The following WWOX variants were observed in gnomAD, a reference collection of about 807,000 sequenced individuals.
WWOX encodes WW domain-containing oxidoreductase.
WWOX carries 69 observed loss-of-function variants against 46.2 expected under a neutral mutation model. The observed-to-expected ratio is 1.49, with a 90% confidence interval of 1.23 to 1.82. The LOEUF is 1.82. Among genes scored for constraint, WWOX ranks in the 40% most tolerant of loss-of-function variants. The pLI is 0.00. For synonymous variants in WWOX, 359 were observed against 202.6 expected, an observed-to-expected ratio of 1.77 and a Z score of -6.56; for missense variants, 919 against 542.6, an observed-to-expected ratio of 1.69 and a Z score of -6.89.
At chr16:78,970,023 G>T (rs1294875930) in intron 8 of WWOX, among the ~76,000 whole-genome samples, 2 of 151,528 alleles carry the variant, frequency 1.3e-5, no homozygotes, top group African/African-American at 4.8e-5. Context: ...CAACAAAGCT[G>T]TTAAAAAATT....
chr16:79,177,313 C>T (rs547885644), intron 8 of WWOX, among the ~76,000 whole-genome samples: 12 of 152,246 alleles, frequency 7.9e-5, no homozygotes, highest in Non-Finnish European at 1.6e-4. Context: ...TTGCTCGCTT[C>T]GTTTCGGAGG....
At chr16:79,040,609 T>G (rs781082050) in intron 8 of WWOX, among the ~76,000 whole-genome samples, 1 of 152,136 alleles carries the variant, frequency 6.6e-6, no homozygotes, top group Non-Finnish European at 1.5e-5. Context: ...CTTTCTCACT[T>G]TTCTCAGGAA....
chr16:78,404,869 A>C (rs1421811283), intron 6 of WWOX, among the ~76,000 whole-genome samples: 1 of 152,228 alleles, frequency 6.6e-6, no homozygotes, highest in Non-Finnish European at 1.5e-5. Flanking sequence ...GGGCAGGAGA[A>C]AAATGGAAAC....
At chr16:78,644,105 C>G (rs959400848) in intron 8 of WWOX, among the ~76,000 whole-genome samples, 2 of 152,020 alleles carry the variant, frequency 1.3e-5, no homozygotes, top group African/African-American at 4.8e-5. Context: ...GCCTGTAATC[C>G]CAGCTACTCA....
At chr16:78,881,978 T>C (rs1047252419) in intron 8 of WWOX, among the ~76,000 whole-genome samples, 1 of 151,794 alleles carries the variant, frequency 6.6e-6, no homozygotes, top group Non-Finnish European at 1.5e-5. Context: ...ATACAAAAAT[T>C]AGGTGGGTGT....
chr16:78,985,339 G>T (rs938161618), intron 8 of WWOX, among the ~76,000 whole-genome samples: 1 of 152,212 alleles, frequency 6.6e-6, no homozygotes, highest in Non-Finnish European at 1.5e-5. Flanking sequence ...GGCACGCAGG[G>T]TGTTGTGTTG....
chr16:79,031,013 G>T (rs995005996), intron 8 of WWOX, among the ~76,000 whole-genome samples: 10 of 151,646 alleles, frequency 6.6e-5, no homozygotes, highest in African/African-American at 2.4e-4. Context: ...AATCACCCGA[G>T]GCTGGGGAGG....
intron 5 of WWOX, among the ~76,000 whole-genome samples, chr16:78,214,489 C>G (rs533413999): frequency 2.0e-5 from 3 of 152,320 alleles, no homozygotes; most frequent in Admixed American, 6.5e-5. Flanking sequence ...CCCTGTCATC[C>G]TCCAAGTCTG....
intron 8 of WWOX, among the ~76,000 whole-genome samples, chr16:78,695,276 T>C (rs1292478984): frequency 1.3e-5 from 2 of 152,192 alleles, no homozygotes; most frequent in Non-Finnish European, 2.9e-5. Context: ...TCACATATTT[T>C]AGGTTGTGGG....
At chr16:78,937,251 A>T (rs1362779762) in intron 8 of WWOX, among the ~76,000 whole-genome samples, 1 of 152,136 alleles carries the variant, frequency 6.6e-6, no homozygotes, top group Non-Finnish European at 1.5e-5. Context: ...AATTTACCTG[A>T]AAGTGACCCA....
chr16:78,909,458 G>A (rs1167751902), intron 8 of WWOX, among the ~76,000 whole-genome samples: 1 of 152,174 alleles, frequency 6.6e-6, no homozygotes. Context: ...TTACACAAGT[G>A]TCAAAACAGG....
intron 8 of WWOX, among the ~76,000 whole-genome samples, chr16:79,155,265 A>T (rs1470966519): frequency 6.6e-6 from 1 of 151,990 alleles, no homozygotes; most frequent in Non-Finnish European, 1.5e-5. Context: ...AGTTCCAGCT[A>T]CTCGGGAGGC....
At chr16:78,374,454 C>T (rs1331651448) in intron 5 of WWOX, among the ~76,000 whole-genome samples, 1 of 150,950 alleles carries the variant, frequency 6.6e-6, no homozygotes, top group African/African-American at 2.4e-5. Context: ...CCAAATGACG[C>T]ACAAAATTTG....
chr16:78,655,562 C>G (rs2047061820), intron 8 of WWOX, among the ~76,000 whole-genome samples: 1 of 152,134 alleles, frequency 6.6e-6, no homozygotes, highest in Middle Eastern at 3.4e-3. Context: ...TGGTCTATTA[C>G]CATTAACAAT....
At chr16:79,208,632 T>TC (rs375559111) in intron 8 of WWOX, among the ~76,000 whole-genome samples, 2 of 23,720 alleles carry the variant, frequency 8.4e-5, no homozygotes, top group African/African-American at 6.1e-4. Context: ...GCTCTTTAAA[T>TC]TTTTTTTTTA....
At chr16:78,144,620 CA>C (rs2034136425) in intron 4 of WWOX, among the ~76,000 whole-genome samples, 1 of 146,192 alleles carries the variant, frequency 6.8e-6, no homozygotes, top group East Asian at 2.0e-4. Context: ...CTCCCAGGTT[CA>C]AGCAATTCTC....
At chr16:78,260,477 C>G (rs1377087000) in intron 5 of WWOX, among the ~76,000 whole-genome samples, 2 of 151,390 alleles carry the variant, frequency 1.3e-5, no homozygotes, top group South Asian at 4.2e-4. Context: ...CCAGCCTGGC[C>G]AACATGGTAA....
At position 78,587,562 on chromosome 16, in the gene WWOX, CCT is replaced by C. The variant is rs1478676453; in HGVS notation, c.1056+154812_1056+154813del. Among the ~76,000 whole-genome samples the C allele has an allele frequency of 6.6e-5, 10 of 152,066 alleles. No homozygotes were observed. The East Asian group carries it at 1.9e-3, about 29-fold the overall frequency. The stretch of plus-strand genomic sequence containing the variant: ...TGGTGTCCTGAGATTCGCTCACTGC[CCT>C]CCCCTGATTACCGTAAACAGAGATG... On this transcript the variant is annotated intron_variant, in intron 8 of 8. Coordinates refer to ENST00000566780, the MANE Select transcript of WWOX (RefSeq NM_016373.4).
intron 5 of WWOX, among the ~76,000 whole-genome samples, chr16:78,286,821 A>G (rs2079775678): frequency 6.6e-6 from 1 of 152,124 alleles, no homozygotes; most frequent in African/African-American, 2.4e-5. Flanking sequence ...AGCTGTCTCT[A>G]CTCTGTTATG....
Sources: gnomAD v4.1 joint callset for allele counts (sites outside exome capture counted in the v4.1 genomes callset) on GRCh38, gnomAD v4.1.1 for gene constraint, MANE v1.5 for transcripts, NCBI Gene and HGNC (gene_info 2026-07-23, HGNC 2026-07-21) for gene names.